Variants in FAT3 observed in about 807,000 individuals in gnomAD.
The protein encoded by FAT3 is FAT atypical cadherin 3.
Under a neutral mutation model 310.2 loss-of-function variants are expected in FAT3, and 95 were observed. That is an observed-to-expected ratio of 0.31 (90% CI 0.26 to 0.36). FAT3 has a LOEUF of 0.36. Ranked by LOEUF, FAT3 falls within the 10% of genes least tolerant of loss-of-function variation. The pLI is 1.00. For missense variants in FAT3, 5,408 were observed against 5,715.6 expected (o/e 0.95, Z 1.74); for synonymous variants, 2,314 against 2,192.9 (o/e 1.06, Z -1.54).
chr11:92,403,968 G>A (rs1350244376), intron 2 of FAT3, among the ~76,000 whole-genome samples: 3 of 151,938 alleles, frequency 2.0e-5, no homozygotes, highest in Non-Finnish European at 2.9e-5. Context: ...CCTGGGAGGC[G>A]GAGGTTGCAT....
intron 14 of FAT3, 71 bp downstream of exon 14, chr11:92,832,082 G>A: frequency 6.9e-7 from 1 of 1,452,920 alleles, no homozygotes; most frequent in Non-Finnish European, 9.1e-7. Flanking sequence ...TGTAAACCTA[G>A]CACTTTGGGA....
At chr11:92,333,788 G>A (rs1947982293) in intron 1 of FAT3, among the ~76,000 whole-genome samples, 4 of 151,688 alleles carry the variant, frequency 2.6e-5, no homozygotes, top group Admixed American at 2.6e-4. Context: ...GGAAGGGTGG[G>A]ATGTTTGGTA....
At position 92,355,142 on chromosome 11, in the gene FAT3, G is replaced by C; in HGVS notation, c.3030G>C (p.Val1010=). 2 of 1,613,784 alleles carry C rather than the reference G, an allele frequency of 1.2e-6. No individual in the cohort carries two copies. Among genetic ancestry groups the C allele is most frequent in the Non-Finnish European group, 1.7e-6 (2 of 1,179,842 alleles). Residue 1010 remains valine (V), a synonymous_variant, in exon 2 of 28, where the codon GTG becomes GTC. Coordinates refer to ENST00000525166, the MANE Select transcript of FAT3 (RefSeq NM_001367949.2). ...YEKQQFYNLT[V]RAKDKGRPVS... is the part of the protein sequence containing the mutation. ...AACAGCAGTTCTATAACCTTACTGT[G>C]CGGGCCAAAGACAAAGGGCGGCCTG...
At chr11:92,243,355 T>C (rs1289236242) in intron 1 of FAT3, among the ~76,000 whole-genome samples, 1 of 152,022 alleles carries the variant, frequency 6.6e-6, no homozygotes, top group East Asian at 1.9e-4. Context: ...TGTGCAGGCG[T>C]CGGTGAATTA....
chr11:92,682,677 A>C (rs1363213452), intron 3 of FAT3, among the ~76,000 whole-genome samples: 2 of 152,168 alleles, frequency 1.3e-5, no homozygotes, highest in Non-Finnish European at 2.9e-5. Flanking sequence ...GTAGTACTGA[A>C]ACTTTTCATG....
chr11:92,818,395 G>A (rs1184045201), intron 13 of FAT3, among the ~76,000 whole-genome samples: 10 of 152,172 alleles, frequency 6.6e-5, no homozygotes, highest in African/African-American at 1.9e-4. Flanking sequence ...AGAAGGGGCA[G>A]TCTGTGGCAT....
Position 92,834,994 on chromosome 11 carries a change from A to C in FAT3, c.9996A>C (p.Thr3332=). 6.2e-7 allele frequency: 1 copy of C among 1,613,714 alleles called. No homozygotes were observed. Among genetic ancestry groups the C allele is most frequent in the Non-Finnish European group, 8.5e-7 (1 of 1,179,790 alleles). Residue 3332 remains threonine, a synonymous_variant, in exon 15 of 28, where the codon ACA becomes ACC. Coordinates refer to ENST00000525166, the MANE Select transcript of FAT3 (RefSeq NM_001367949.2). ...SAVATVNINL[T]DVNDNPPKFS... is the part of the protein sequence containing the mutation. ...TGGCCACTGTCAACATCAACCTCACAGATGTTAATGACAACCCTCCCAAGT... is the reference window on the plus strand; with the variant it reads ...TGGCCACTGTCAACATCAACCTCACCGATGTTAATGACAACCCTCCCAAGT...
At chr11:92,286,087 C>G (rs2845878) in intron 1 of FAT3, among the ~76,000 whole-genome samples, 96,984 of 151,870 alleles carry the variant, frequency 0.64, 31,235 homozygotes, top group Admixed American at 0.68. Flanking sequence ...ACTGCCTTCC[C>G]TTTTCTGTTG....
intron 3 of FAT3, among the ~76,000 whole-genome samples, chr11:92,607,278 G>A (rs949757271): frequency 6.6e-6 from 1 of 151,756 alleles, no homozygotes; most frequent in Non-Finnish European, 1.5e-5. Flanking sequence ...ACCCTGATAG[G>A]TAAAGTAGCC....
rs868369232 is a variant in FAT3, at chr11:92,798,408, C to A, written c.5395C>A (p.Arg1799=). Residue 1799 remains arginine, a synonymous_variant, in exon 10 of 28, where the codon CGA becomes AGA. Transcript: ENST00000525166. ...CTTGGATAACAGCCCACTGGTGATTCGAGCCACAGATGCTGACAGCAACCG... is the reference window on the plus strand; with the variant it reads ...CTTGGATAACAGCCCACTGGTGATTAGAGCCACAGATGCTGACAGCAACCG... ...RSLDNSPLVI[R]ATDADSNRNA... is the part of the protein sequence containing the mutation. The A allele has an allele frequency of 6.2e-7, 1 of 1,612,576 alleles. No homozygotes were observed. The highest frequency in any genetic ancestry group is 2.2e-5 in the East Asian group (1 of 44,730).
At chr11:92,843,231 A>G (rs1948593343) in intron 18 of FAT3, among the ~76,000 whole-genome samples, 1 of 152,116 alleles carries the variant, frequency 6.6e-6, no homozygotes. Flanking sequence ...GGTTCACTGC[A>G]GCTCCACATC....
chr11:92,600,593 T>C (rs575212033), intron 3 of FAT3, among the ~76,000 whole-genome samples: 2 of 152,336 alleles, frequency 1.3e-5, no homozygotes, highest in South Asian at 4.1e-4. Flanking sequence ...CATTTGTTAA[T>C]TGAGTGTCTA....
chr11:92,614,446 A>G (rs772743594), intron 3 of FAT3, among the ~76,000 whole-genome samples: 1 of 152,138 alleles, frequency 6.6e-6, no homozygotes, highest in African/African-American at 2.4e-5. Flanking sequence ...CCATCCTACT[A>G]TGTTCAATGT....
intron 3 of FAT3, among the ~76,000 whole-genome samples, chr11:92,526,545 C>G (rs1465556000): frequency 6.6e-6 from 1 of 152,146 alleles, no homozygotes; most frequent in Non-Finnish European, 1.5e-5. Context: ...GAAGTTTTCT[C>G]TGTTCTCATC....
chr11:92,676,436 G>C (rs890734228), intron 3 of FAT3, among the ~76,000 whole-genome samples: 3 of 152,004 alleles, frequency 2.0e-5, no homozygotes, highest in Admixed American at 6.6e-5. Context: ...CAGTCTGCCT[G>C]GTTCTGGTTA....
At chr11:92,577,807 A>T (rs941784017) in intron 3 of FAT3, among the ~76,000 whole-genome samples, 1 of 152,130 alleles carries the variant, frequency 6.6e-6, no homozygotes. Context: ...AAAAATATCT[A>T]TTTGTGATAT....
chr11:92,428,797 A>G (rs549804940), intron 2 of FAT3, among the ~76,000 whole-genome samples: 2 of 152,260 alleles, frequency 1.3e-5, no homozygotes, highest in African/African-American at 4.8e-5. Flanking sequence ...TGTACTTCCA[A>G]TTATGTGGTC....
intron 3 of FAT3, among the ~76,000 whole-genome samples, chr11:92,606,655 C>T (rs548755812): frequency 7.2e-5 from 11 of 152,260 alleles, no homozygotes; most frequent in African/African-American, 2.6e-4. Flanking sequence ...TAGTCCTCAC[C>T]ACTATTTTCT....
In FAT3 at chr11:92,764,993, T is replaced by C. The variant is rs746861919; in HGVS notation, c.4099T>C (p.Tyr1367His). The C allele has an allele frequency of 3.1e-6, 5 of 1,613,932 alleles. No homozygotes were observed. The highest frequency in any genetic ancestry group is 4.2e-6 in the Non-Finnish European group (5 of 1,179,866). Residue 1367 changes from tyrosine (Y) to histidine (H), a missense_variant, in exon 6 of 28, where the codon TAT (tyrosine) becomes CAT (histidine). Physicochemically the swap from Tyr to His is moderately conservative, Grantham distance 83. This residue lies in a region of FAT3 where 4,588 missense variants were observed against 4,809.8 expected (regional missense o/e 0.95). Transcript: ENST00000525166. ...ACCATTGACCTTCGATGAGCCGTTT[T>C]ATAACTTCACAGTCATGGAAAGTGA... ...PIPLTFDEPF[Y>H]NFTVMESDRV... is the part of the protein sequence containing the mutation.
Sources: allele counts gnomAD v4.1 joint callset (sites outside exome capture counted in the v4.1 genomes callset), GRCh38; gene constraint gnomAD v4.1.1; regional missense constraint gnomAD v4.1.1; transcripts MANE v1.5; gene names NCBI Gene and HGNC (gene_info 2026-07-23, HGNC 2026-07-21).